ZNF527: variants seen among roughly 807,000 people sequenced by gnomAD.
The protein encoded by ZNF527 is zinc finger protein 527.
In ZNF527, 5 loss-of-function variants were observed where a neutral mutation model predicts 13.5. That is an observed-to-expected ratio of 0.37 (90% CI 0.19 to 0.78). The LOEUF (loss-of-function observed/expected upper bound fraction) is 0.78. Ranked by LOEUF, ZNF527 falls within the 30% of genes least tolerant of loss-of-function variation. The pLI, the probability that ZNF527 is intolerant of heterozygous loss-of-function variation, is 0.48. For synonymous variants in ZNF527, 209 were observed against 243.1 expected, an observed-to-expected ratio of 0.86 and a Z score of 1.30; for missense variants, 628 against 726.4, an observed-to-expected ratio of 0.86 and a Z score of 1.56.
chr19:37,372,071 C>T (rs1268540301), intron 1 of ZNF527, among the ~76,000 whole-genome samples: 1 of 151,188 alleles, frequency 6.6e-6, no homozygotes, highest in Non-Finnish European at 1.5e-5. Context: ...GCGATCTCGG[C>T]TCACTGCAAC....
At chr19:37,375,319 C>CT (rs1215439389) in intron 2 of ZNF527, among the ~76,000 whole-genome samples, 17 of 112,526 alleles carry the variant, frequency 1.5e-4, no homozygotes, top group South Asian at 2.8e-4. Context: ...TCTTTTCTTT[C>CT]TTTCTTTCTT....
chr19:37,382,686 T>C (rs963289866), intron 4 of ZNF527, among the ~76,000 whole-genome samples: 2 of 152,128 alleles, frequency 1.3e-5, no homozygotes, highest in African/African-American at 2.4e-5. Context: ...CAAAATTACT[T>C]AGGTTGGTTA....
In ZNF527 at chr19:37,388,546, G is replaced by T. The variant is rs1159513875; in HGVS notation, c.497G>T (p.Ser166Ile). 1 of 1,614,008 alleles carries T rather than the reference G, an allele frequency of 6.2e-7. No homozygotes were observed. Among genetic ancestry groups the T allele is most frequent in the African/African-American group, 1.3e-5 (1 of 74,920 alleles). ...ISTGKRDNEF[S>I]NSGRSIPLKS... ...ACTGGGAAAAGAGACAATGAATTTA[G>T]TAATTCTGGGAGAAGCATACCCCTG... Residue 166 changes from serine to isoleucine, a missense_variant, in exon 5 of 5, where the codon AGT becomes ATT. Physicochemically the swap from Ser to Ile is moderately radical, Grantham distance 142 (BLOSUM62 -2). Around this residue, in one of 3 missense-constraint regions of ZNF527, gnomAD observed 592 missense variants for 678.0 expected, o/e 0.87. Transcript: ENST00000436120.
intron 2 of ZNF527, among the ~76,000 whole-genome samples, chr19:37,378,064 C>G (rs1271468968): frequency 6.7e-6 from 1 of 150,152 alleles, no homozygotes; most frequent in Non-Finnish European, 1.5e-5. Context: ...GAGTCTTGCT[C>G]TGTCACCCAG....
At chr19:37,387,363 T>G (rs2040708597) in intron 4 of ZNF527, among the ~76,000 whole-genome samples, 2 of 152,326 alleles carry the variant, frequency 1.3e-5, no homozygotes, top group South Asian at 2.1e-4. Context: ...TTCCTGACAT[T>G]TATACCTGTA....
intron 4 of ZNF527, among the ~76,000 whole-genome samples, chr19:37,383,349 C>A (rs1173241324): frequency 6.6e-6 from 1 of 151,588 alleles, no homozygotes; most frequent in African/African-American, 2.4e-5. Context: ...GATTTTCCTG[C>A]CTCAGCCTCC....
At chr19:37,380,161 A>T (rs1377879366) in intron 3 of ZNF527, 116 bp from the exon 4 acceptor site, 1 of 1,477,698 alleles carries the variant, frequency 6.8e-7, no homozygotes, top group Non-Finnish European at 9.0e-7. Flanking sequence ...TCTAATGTCC[A>T]TTCTTGCCTG....
rs2040739966 is a variant in ZNF527, at chr19:37,390,056, T to G, written c.*177T>G. ...TTACTTTTTTTTTTTTCAGACAGAGTCTCGCTCTGTTGCCCAGGCTGGAGT... is the reference window on the plus strand; with the variant it reads ...TTACTTTTTTTTTTTTCAGACAGAGGCTCGCTCTGTTGCCCAGGCTGGAGT... On this transcript the variant is annotated 3_prime_UTR_variant, in exon 5 of 5. Coordinates refer to ENST00000436120, the MANE Select transcript of ZNF527 (RefSeq NM_032453.2). The G allele has an allele frequency of 5.6e-6, 4 of 719,284 alleles. No individual in the cohort carries two copies. The highest frequency in any genetic ancestry group is 8.4e-6 in the Non-Finnish European group (4 of 478,192). 44.6% of individuals were successfully genotyped at this position (719,284 alleles called of 1,614,324 possible).
chr19:37,374,430 A>G (rs556925846), intron 2 of ZNF527, among the ~76,000 whole-genome samples, 199 bp downstream of exon 2: 3 of 152,186 alleles, frequency 2.0e-5, no homozygotes, highest in Non-Finnish European at 4.4e-5. Flanking sequence ...GAGCAGAGCT[A>G]TCCTCTTTAG....
chr19:37,383,653 A>G (rs1000484673), intron 4 of ZNF527, among the ~76,000 whole-genome samples: 1 of 149,652 alleles, frequency 6.7e-6, no homozygotes, highest in Admixed American at 6.7e-5. Context: ...ATTCTCCTGT[A>G]TCAGCCTCCC....
chr19:37,375,462 A>G (rs942886172), intron 2 of ZNF527, among the ~76,000 whole-genome samples: 7 of 150,268 alleles, frequency 4.7e-5, no homozygotes, highest in African/African-American at 1.7e-4. Flanking sequence ...CCTGGGTTCA[A>G]GCGATTCTCC....
In ZNF527 at chr19:37,374,378, T is replaced by G. The variant is rs1464221203; in HGVS notation, c.33+147T>G. The G allele has an allele frequency of 9.7e-6, 7 of 720,196 alleles. No homozygotes were observed. In the African/African-American group the frequency reaches 1.3e-4, roughly 13 times the overall value. 44.6% of individuals were successfully genotyped at this position (720,196 alleles called of 1,614,324 possible). On this transcript the variant is annotated intron_variant, in intron 2 of 4. Coordinates refer to ENST00000436120, the MANE Select transcript of ZNF527 (RefSeq NM_032453.2). ...TTCATATAATCCTTCTACAAAACAT[T>G]TAATATCTTTTTTAGTCAGTGTTAT...
intron 4 of ZNF527, among the ~76,000 whole-genome samples, chr19:37,382,240 C>T (rs1440002296): frequency 6.6e-6 from 1 of 152,072 alleles, no homozygotes; most frequent in Non-Finnish European, 1.5e-5. Flanking sequence ...ATCACTCTTT[C>T]TGGCCCTGAC....
rs1279892090 is a variant in ZNF527, at chr19:37,389,623, C to G, written c.1574C>G (p.Pro525Arg). The stretch of plus-strand genomic sequence containing the variant: ...AAGAGAAGTCATGCAGGAGAGAAAC[C>G]CTATGAATGTAACAAATGTGGAAAG... ...HHKRSHAGEKPYECNKCGKAF... is the reference protein window; with the variant it reads ...HHKRSHAGEKRYECNKCGKAF... The change falls in exon 5 of 5, where the codon CCC becomes CGC. Residue 525 changes from proline to arginine, a missense_variant. Around this residue, in one of 3 missense-constraint regions of ZNF527, gnomAD observed 592 missense variants for 678.0 expected, o/e 0.87. Coordinates refer to ENST00000436120, the MANE Select transcript of ZNF527 (RefSeq NM_032453.2). 6.2e-7 allele frequency: 1 copy of G among 1,613,944 alleles called. No homozygotes were observed. The highest frequency in any genetic ancestry group is 8.5e-7 in the Non-Finnish European group (1 of 1,180,018).
In ZNF527 at chr19:37,389,088, C is replaced by G. The variant is rs756086479; in HGVS notation, c.1039C>G (p.Gln347Glu). The change falls in exon 5 of 5, where the codon CAA (glutamine) becomes GAA (glutamate). Residue 347 changes from glutamine to glutamate, a missense_variant. Physicochemically the swap from Gln to Glu is conservative, Grantham distance 29 (BLOSUM62 2). Transcript: ENST00000436120. ...KAFRQSAHLA[Q>E]HQRIHTGEKP... ...TTTCAGACAGAGTGCTCACCTTGCT[C>G]AACATCAGAGGATCCACACTGGAGA... The G allele has an allele frequency of 4.3e-6, 7 of 1,614,048 alleles. No individual in the cohort carries two copies. The highest frequency in any genetic ancestry group is 2.7e-5 in the African/African-American group (2 of 74,920).
At chr19:37,374,829 G>A (rs2040586068) in intron 2 of ZNF527, among the ~76,000 whole-genome samples, 1 of 152,198 alleles carries the variant, frequency 6.6e-6, no homozygotes, top group Non-Finnish European at 1.5e-5. Context: ...GATCTGATTT[G>A]ATTTATGCCT....
chr19:37,379,128 G>T lies in ZNF527; in HGVS notation c.42G>T (p.Val14=). 1 of 1,614,070 alleles carries T rather than the reference G, an allele frequency of 6.2e-7. No individual in the cohort carries two copies. Among genetic ancestry groups the T allele is most frequent in the South Asian group, 1.1e-5 (1 of 91,058 alleles). Residue 14 remains valine, a synonymous_variant, in exon 3 of 5, where the codon GTG becomes GTT. Coordinates refer to ENST00000436120, the MANE Select transcript of ZNF527 (RefSeq NM_032453.2). ...GLCKAMSQGL[V]TFRDVALDFS... ...GAATTTTTTTATTTCAGGGGTTGGT[G>T]ACCTTCAGAGATGTGGCGCTAGACT...
chr19:37,373,401 A>T (rs1198874752), intron 1 of ZNF527, among the ~76,000 whole-genome samples: 3 of 152,252 alleles, frequency 2.0e-5, no homozygotes. Flanking sequence ...TTAACATTGT[A>T]TATTTATATT....
intron 1 of ZNF527, among the ~76,000 whole-genome samples, chr19:37,373,056 T>G (rs1297202813): frequency 6.6e-6 from 1 of 152,208 alleles, no homozygotes; most frequent in East Asian, 1.9e-4. Flanking sequence ...CCCCGGACTT[T>G]GAGTTGGTTG....
Sources: gnomAD v4.1 joint callset for allele counts (sites outside exome capture counted in the v4.1 genomes callset) on GRCh38, gnomAD v4.1.1 for gene constraint, gnomAD v4.1.1 regional missense constraint, MANE v1.5 for transcripts, NCBI Gene and HGNC (gene_info 2026-07-23, HGNC 2026-07-21) for gene names.